SBF2: variants seen among roughly 807,000 people sequenced by gnomAD.
SBF2 encodes the protein myotubularin-related protein 13.
Under a neutral mutation model 225.2 loss-of-function variants are expected in SBF2, and 112 were observed. That is an observed-to-expected ratio of 0.50 (90% confidence interval 0.43 to 0.58). The LOEUF (loss-of-function observed/expected upper bound fraction) is 0.58. Among genes scored for constraint, SBF2 ranks in the 20% least tolerant of loss-of-function variants. SBF2 has a pLI of 0.00. For missense variants in SBF2, 1,996 were observed against 2,206.2 expected, an observed-to-expected ratio of 0.90 and a Z score of 1.91; for synonymous variants, 763 against 773.3, an observed-to-expected ratio of 0.99 and a Z score of 0.22.
chr11:10,040,304 T>C (rs777447933), intron 3 of SBF2, among the ~76,000 whole-genome samples: 36 of 152,008 alleles, frequency 2.4e-4, no homozygotes, highest in Non-Finnish European at 4.0e-4. Context: ...CTTCCGGATG[T>C]GTACTCTTAG....
chr11:10,098,313 G>A (rs1025384649), intron 2 of SBF2, among the ~76,000 whole-genome samples: 1 of 151,958 alleles, frequency 6.6e-6, no homozygotes, highest in African/African-American at 2.4e-5. Flanking sequence ...AAAAAGGGAA[G>A]AAGTAGAGTA....
chr11:9,932,454 G>A (rs967714114), intron 16 of SBF2, among the ~76,000 whole-genome samples: 40 of 152,196 alleles, frequency 2.6e-4, no homozygotes, highest in African/African-American at 8.0e-4. Context: ...CCTACAAGCC[G>A]GAAGAGAGAG....
chr11:10,020,213 G>A (rs1421188051), intron 6 of SBF2, among the ~76,000 whole-genome samples: 1 of 152,090 alleles, frequency 6.6e-6, no homozygotes, highest in Non-Finnish European at 1.5e-5. Flanking sequence ...AGTTGGGTGA[G>A]TGAGCTCACG....
chr11:10,167,577 T>A (rs372858171), intron 2 of SBF2, among the ~76,000 whole-genome samples: 2 of 151,974 alleles, frequency 1.3e-5, no homozygotes, highest in Non-Finnish European at 2.9e-5. Context: ...TCTAAATGAA[T>A]AAATAAATAA....
intron 2 of SBF2, among the ~76,000 whole-genome samples, chr11:10,112,717 G>A (rs958547198): frequency 6.6e-6 from 1 of 152,108 alleles, no homozygotes; most frequent in Non-Finnish European, 1.5e-5. Context: ...TAAGAGCAGG[G>A]AAAGCAAAAT....
At chr11:9,911,014 G>A (rs368323203) in intron 16 of SBF2, among the ~76,000 whole-genome samples, 3 of 149,326 alleles carry the variant, frequency 2.0e-5, no homozygotes, top group Non-Finnish European at 3.0e-5. Context: ...AGCTGAGATC[G>A]CCCCACTGCA....
chr11:10,301,173 A>G (rs57153895), intron 1 of SBF2, among the ~76,000 whole-genome samples: 60,847 of 152,098 alleles, frequency 0.4, 13,004 homozygotes, highest in Non-Finnish European at 0.47. Context: ...CCTTACCACT[A>G]TAAACCAGAC....
chr11:10,213,511 G>T (rs1054100895), intron 1 of SBF2, among the ~76,000 whole-genome samples: 12 of 152,178 alleles, frequency 7.9e-5, no homozygotes, highest in African/African-American at 2.9e-4. Flanking sequence ...CTCTGAATTT[G>T]ATTTCATATC....
At chr11:10,158,074 A>G (rs185141833) in intron 2 of SBF2, among the ~76,000 whole-genome samples, 1 of 152,350 alleles carries the variant, frequency 6.6e-6, no homozygotes, top group Admixed American at 6.5e-5. Context: ...AAATTAACAC[A>G]CTCTTAAGCA....
At chr11:10,095,938 T>C (rs1290751153) in intron 2 of SBF2, among the ~76,000 whole-genome samples, 1 of 152,156 alleles carries the variant, frequency 6.6e-6, no homozygotes, top group Admixed American at 6.5e-5. Flanking sequence ...AATAAATAAA[T>C]GTTATTTTTA....
chr11:9,968,490 G>C lies in SBF2; in HGVS notation c.1451C>G (p.Ser484Cys), dbSNP rs769428964. The change falls in exon 14 of 40, where the codon TCC (serine) becomes TGC (cysteine). Residue 484 changes from serine to cysteine, a missense_variant. Ser to Cys is a moderately radical substitution (Grantham distance 112). Transcript: ENST00000256190. Reference sequence around the variant, plus strand: ...AGGAAGAATATGAACTCGCAAATGGGATCCTTCTGTTGGCCGTGGAACTTT... The same window carrying C: ...AGGAAGAATATGAACTCGCAAATGGCATCCTTCTGTTGGCCGTGGAACTTT... ...FQKVPRPTEG[S>C]HLRVHILPFP... is the part of the protein sequence containing the mutation. 1 of 1,613,996 alleles carries C rather than the reference G, an allele frequency of 6.2e-7. No homozygotes were observed. The highest frequency in any genetic ancestry group is 8.5e-7 in the Non-Finnish European group (1 of 1,180,016).
At chr11:10,033,193 TACTA>T (rs564859287) in intron 3 of SBF2, among the ~76,000 whole-genome samples, 150 of 152,314 alleles carry the variant, frequency 9.8e-4, no homozygotes, top group Admixed American at 1.7e-3. Context: ...CTTCATGGAT[TACTA>T]ACTAATTCAA....
intron 2 of SBF2, among the ~76,000 whole-genome samples, chr11:10,049,798 C>T (rs58810027): frequency 0.011 from 1,632 of 152,140 alleles, 33 homozygotes; most frequent in African/African-American, 0.037. Flanking sequence ...GGTAGCAGAA[C>T]GGTATAATCC....
At chr11:9,834,041 G>GT (rs1855584598) in intron 26 of SBF2, among the ~76,000 whole-genome samples, 1 of 151,092 alleles carries the variant, frequency 6.6e-6, no homozygotes, top group African/African-American at 2.4e-5. Flanking sequence ...AGTGCTGGGA[G>GT]TACAGGCGTG....
At chr11:9,855,710 A>G (rs1271513361) in intron 19 of SBF2, among the ~76,000 whole-genome samples, 1 of 152,224 alleles carries the variant, frequency 6.6e-6, no homozygotes, top group Non-Finnish European at 1.5e-5. Context: ...ATGACATGAA[A>G]GACAATGCAA....
At chr11:10,257,666 A>G (rs1331058688) in intron 1 of SBF2, among the ~76,000 whole-genome samples, 1 of 84,862 alleles carries the variant, frequency 1.2e-5, no homozygotes, top group Non-Finnish European at 3.0e-5. Context: ...CCTTGCCTCA[A>G]AAAAAAAAAA....
intron 2 of SBF2, among the ~76,000 whole-genome samples, chr11:10,083,748 T>C (rs1951452081): frequency 6.6e-6 from 1 of 152,084 alleles, no homozygotes; most frequent in Non-Finnish European, 1.5e-5. Context: ...AAGACTTAAA[T>C]ATAAGACCTG....
chr11:9,890,287 C>A (rs1292253546), intron 17 of SBF2, among the ~76,000 whole-genome samples: 1 of 152,088 alleles, frequency 6.6e-6, no homozygotes, highest in Non-Finnish European at 1.5e-5. Flanking sequence ...GGTTTTACCA[C>A]TCTGTAAAAC....
At chr11:9,848,369 T>C (rs1856700785) in intron 22 of SBF2, among the ~76,000 whole-genome samples, 1 of 152,174 alleles carries the variant, frequency 6.6e-6, no homozygotes, top group Non-Finnish European at 1.5e-5. Flanking sequence ...AAATTAGAAA[T>C]TTAAAAGGAA....
Sources: allele counts gnomAD v4.1 joint callset (sites outside exome capture counted in the v4.1 genomes callset), GRCh38; gene constraint gnomAD v4.1.1; transcripts MANE v1.5; gene names NCBI Gene and HGNC (gene_info 2026-07-23, HGNC 2026-07-21).